The following RIMKLA variants were observed in gnomAD, a reference collection of about 807,000 sequenced individuals.
RIMKLA encodes the protein ribosomal modification protein rimK like family member A.
Under a neutral mutation model 32.7 loss-of-function variants are expected in RIMKLA, and 14 were observed. That is an observed-to-expected ratio of 0.43 (90% CI 0.28 to 0.67). The LOEUF is 0.67. Among genes scored for constraint, RIMKLA ranks in the 30% least tolerant of loss-of-function variants. The pLI is 0.18. For synonymous variants in RIMKLA, 176 were observed against 204.1 expected (o/e 0.86, Z 1.18); for missense variants, 410 against 519.0 (o/e 0.79, Z 2.04).
rs1643233870 is a variant in RIMKLA, at chr1:42,414,998, A to C, written c.*24A>C. Reference sequence around the variant, plus strand: ...GAATTCCTGCTTTTTGGCAGCATTTAAACCAAATCCTACTGCTTCCCTAGT... The same window carrying C: ...GAATTCCTGCTTTTTGGCAGCATTTCAACCAAATCCTACTGCTTCCCTAGT... On this transcript the variant is annotated 3_prime_UTR_variant, in exon 5 of 5. Transcript: ENST00000431473. The C allele has an allele frequency of 6.3e-7, 1 of 1,574,928 alleles. No individual in the cohort carries two copies.
Position 42,416,891 on chromosome 1 carries a change from T to A in RIMKLA, c.*1917T>A, listed in dbSNP as rs2148398147. 1 of 152,376 alleles carries A rather than the reference T, an allele frequency of 6.6e-6. No individual in the cohort carries two copies. Among genetic ancestry groups the A allele is most frequent in the Admixed American group, 6.5e-5 (1 of 15,308 alleles). The allele number at this position is 152,376 out of a possible 1,614,324, so 9.4% of individuals were successfully genotyped here. ...TCACACTACACAGTTGTAGTTTAAA[T>A]GCAGTCCAACATAAGGTGCATGCCA... On this transcript the variant is annotated 3_prime_UTR_variant, in exon 5 of 5. Coordinates refer to ENST00000431473, the MANE Select transcript of RIMKLA (RefSeq NM_173642.4).
chr1:42,385,725 TTCTTTCTTTC>T (rs1304953688), intron 1 of RIMKLA, among the ~76,000 whole-genome samples: 1 of 36,614 alleles, frequency 2.7e-5, no homozygotes, highest in Non-Finnish European at 5.2e-5. Flanking sequence ...TTCTCTTTCT[TTCTTTCTTTC>T]TTTCTTTCTT....
In RIMKLA at chr1:42,381,012, C is replaced by T. The variant is rs1215520172; in HGVS notation, c.78C>T (p.Leu26=). Residue 26 remains leucine (L), a synonymous_variant, in exon 1 of 5, where the codon CTC becomes CTT. Coordinates refer to ENST00000431473, the MANE Select transcript of RIMKLA (RefSeq NM_173642.4). ...CGCAGGTGCAGATCCTGCGCGCCCT[C>T]CGGCAGCGCTGCTCCGAGCAGGACG... ...DYPQVQILRA[L]RQRCSEQDVR... 3.5e-6 allele frequency: 5 copies of T among 1,428,854 alleles called. No homozygotes were observed. The highest frequency in any genetic ancestry group is 1.5e-5 in the African/African-American group (1 of 67,432). The allele number at this position is 1,428,854 out of a possible 1,614,324, so 88.5% of individuals were successfully genotyped here.
chr1:42,400,138 C>A (rs556254152), intron 2 of RIMKLA, among the ~76,000 whole-genome samples: 2 of 152,210 alleles, frequency 1.3e-5, no homozygotes, highest in South Asian at 4.1e-4. Flanking sequence ...AACAAGAGAG[C>A]AGAATATAGA....
chr1:42,391,001 A>T (rs929201837), intron 1 of RIMKLA, among the ~76,000 whole-genome samples: 2 of 152,178 alleles, frequency 1.3e-5, no homozygotes, highest in Non-Finnish European at 2.9e-5. Flanking sequence ...CAGTGAAAAG[A>T]TGGTGGTACC....
chr1:42,405,388 C>T (rs1045755433), intron 3 of RIMKLA, among the ~76,000 whole-genome samples: 16 of 152,228 alleles, frequency 1.1e-4, no homozygotes, highest in Admixed American at 2.6e-4. Flanking sequence ...GAGCATCTGT[C>T]TCTGTAAGGC....
intron 4 of RIMKLA, 51 bp downstream of exon 4, chr1:42,410,238 A>G: frequency 1.7e-5 from 25 of 1,475,062 alleles, no homozygotes; most frequent in Non-Finnish European, 2.3e-5. Flanking sequence ...CCCATTCAGC[A>G]AATGTATATC....
rs942924441 is a variant in RIMKLA, at chr1:42,396,656, C to T, written c.164-2748C>T. On this transcript the variant is annotated intron_variant, in intron 1 of 4. Transcript: ENST00000431473. ...CTCATGTTGGGATTTGAAAGCCAGA[C>T]GTTTTTGCTGCTTCTCGTTTCTCTA... Among the ~76,000 whole-genome samples, 27 of 152,272 alleles carry T rather than the reference C, an allele frequency of 1.8e-4. 1 individual carries two copies. In the South Asian group the frequency reaches 2.3e-3, roughly 13 times the overall value.
At chr1:42,412,598 G>A (rs1428615687) in intron 4 of RIMKLA, 6 of 509,662 alleles carry the variant, frequency 1.2e-5, no homozygotes, top group Non-Finnish European at 1.9e-5. Context: ...TGTTTAACCT[G>A]CCTGTGAGGT....
intron 1 of RIMKLA, among the ~76,000 whole-genome samples, 175 bp downstream of exon 1, chr1:42,381,272 T>A (rs1642886716): frequency 6.6e-6 from 1 of 152,218 alleles, no homozygotes; most frequent in South Asian, 2.1e-4. Flanking sequence ...CTTCATAGCT[T>A]CTTTAACCAC....
Position 42,415,007 on chromosome 1 carries a change from C to G in RIMKLA, c.*33C>G. 5.1e-6 allele frequency: 8 copies of G among 1,557,104 alleles called. No individual in the cohort carries two copies. Among genetic ancestry groups the G allele is most frequent in the African/African-American group, 1.4e-5 (1 of 73,760 alleles). The stretch of plus-strand genomic sequence containing the variant: ...CTTTTTGGCAGCATTTAAACCAAAT[C>G]CTACTGCTTCCCTAGTAGTTTTGAG... On this transcript the variant is annotated 3_prime_UTR_variant, in exon 5 of 5. Coordinates refer to ENST00000431473, the MANE Select transcript of RIMKLA (RefSeq NM_173642.4).
chr1:42,422,862 C>T lies in RIMKLA; in HGVS notation c.*7888C>T, dbSNP rs140551066. Among the ~76,000 whole-genome samples, 3 of 152,268 alleles carry T rather than the reference C, an allele frequency of 2.0e-5. No homozygotes were observed. The highest frequency in any genetic ancestry group is 4.8e-5 in the African/African-American group (2 of 41,548). On this transcript the variant is annotated 3_prime_UTR_variant, in exon 5 of 5. Coordinates refer to ENST00000431473, the MANE Select transcript of RIMKLA (RefSeq NM_173642.4). ...TAATGCAGATGGCGTGAGCTTGTCA[C>T]GGGCCTGCTCAGCGTGCTCTCCCGG...
intron 2 of RIMKLA, among the ~76,000 whole-genome samples, chr1:42,402,736 G>A (rs1041458640): frequency 2.6e-5 from 4 of 151,938 alleles, no homozygotes; most frequent in African/African-American, 4.8e-5. Flanking sequence ...GACCACAGAT[G>A]TGCACCACCA....
intron 1 of RIMKLA, among the ~76,000 whole-genome samples, chr1:42,384,826 C>G (rs1642923304): frequency 6.6e-6 from 1 of 152,070 alleles, no homozygotes. Flanking sequence ...TCAGTCTACA[C>G]TGATTTCACC....
rs1643227074 is a variant in RIMKLA, at chr1:42,414,340, A to T, written c.686-144A>T. The T allele has an allele frequency of 4.8e-6, 4 of 827,756 alleles. No individual in the cohort carries two copies. The African/African-American group carries it at 6.8e-5, about 14-fold the overall frequency. 51.3% of individuals were successfully genotyped at this position (827,756 alleles called of 1,614,324 possible). A position where few individuals can be genotyped will look rare whatever the true frequency, so the allele number is the denominator to read the frequency against. ...AAAAAATGGCCGTATTGTTTTCCCAAGGTGTACTGATTTCCATCCAGACCT... is the reference window on the plus strand; with the variant it reads ...AAAAAATGGCCGTATTGTTTTCCCATGGTGTACTGATTTCCATCCAGACCT... On this transcript the variant is annotated intron_variant, in intron 4 of 4. Coordinates refer to ENST00000431473, the MANE Select transcript of RIMKLA (RefSeq NM_173642.4).
Position 42,418,849 on chromosome 1 carries a change from C to T in RIMKLA, c.*3875C>T, listed in dbSNP as rs1156332084. Reference sequence around the variant, plus strand: ...CCACAGTGCTGTGTGCAGGCATAGCCTTAGCAGGTCAGTTTAAGGAGTCAG... The same window carrying T: ...CCACAGTGCTGTGTGCAGGCATAGCTTTAGCAGGTCAGTTTAAGGAGTCAG... On this transcript the variant is annotated 3_prime_UTR_variant, in exon 5 of 5. Transcript: ENST00000431473. 6.6e-6 allele frequency: 1 copy of T among 152,234 alleles called. No homozygotes were observed. The highest frequency in any genetic ancestry group is 1.5e-5 in the Non-Finnish European group (1 of 68,050). 9.4% of individuals were successfully genotyped at this position (152,234 alleles called of 1,614,324 possible).
chr1:42,409,842 A>G (rs1235200755), intron 3 of RIMKLA, 142 bp from the exon 4 acceptor site: 4 of 695,898 alleles, frequency 5.7e-6, no homozygotes, highest in African/African-American at 1.8e-5. Context: ...ATAAGAAACA[A>G]AAGTCTAGCA....
In RIMKLA at chr1:42,423,497, C is replaced by T. The variant is rs918259088; in HGVS notation, c.*8523C>T. Among the ~76,000 whole-genome samples, 4 of 152,172 alleles carry T rather than the reference C, an allele frequency of 2.6e-5. No homozygotes were observed. Among genetic ancestry groups the T allele is most frequent in the African/African-American group, 4.8e-5 (2 of 41,440 alleles). ...TGCATTTAGCTCCATGGTAGACCAG[C>T]GTATTTGGTGAGAAAGGAAGTACTT... On this transcript the variant is annotated 3_prime_UTR_variant, in exon 5 of 5. Transcript: ENST00000431473.
At chr1:42,404,067 G>C (rs1308159996) in intron 2 of RIMKLA, among the ~76,000 whole-genome samples, 1 of 151,984 alleles carries the variant, frequency 6.6e-6, no homozygotes, top group Non-Finnish European at 1.5e-5. Context: ...CATCTGATTA[G>C]GTCAGGCTCA....
Sources: gnomAD v4.1 joint callset for allele counts (sites outside exome capture counted in the v4.1 genomes callset) on GRCh38, gnomAD v4.1.1 for gene constraint, MANE v1.5 for transcripts, NCBI Gene and HGNC (gene_info 2026-07-23, HGNC 2026-07-21) for gene names.